Variants in CTBP1 observed in about 807,000 individuals in gnomAD.
CTBP1 encodes the protein C-terminal binding protein 1.
CTBP1 carries 11 observed loss-of-function variants against 42.1 expected under a neutral mutation model. The observed-to-expected ratio is 0.26, with a 90% CI of 0.16 to 0.43. CTBP1 has a LOEUF of 0.43. Ranked by LOEUF, CTBP1 falls within the 20% of genes least tolerant of loss-of-function variation. CTBP1 has a pLI of 1.00. For missense variants in CTBP1, 399 were observed against 624.3 expected (o/e 0.64, Z 3.85); for synonymous variants, 324 against 277.1 (o/e 1.17, Z -1.68).
intron 2 of CTBP1, among the ~76,000 whole-genome samples, chr4:1,239,697 C>T (rs1369886995): frequency 2.0e-5 from 3 of 152,232 alleles, no homozygotes; most frequent in Non-Finnish European, 2.9e-5. Context: ...ACCCCAAAGC[C>T]GAGGGCTCCC....
In CTBP1 at chr4:1,238,328, G is replaced by C; in HGVS notation, c.17C>G (p.Pro6Arg). Residue 6 changes from proline (P) to arginine (R), a missense_variant, in exon 3 of 10, where the codon CCT (proline) becomes CGT (arginine). Pro to Arg is a moderately radical substitution (Grantham distance 103, BLOSUM62 -2). Around this residue, in one of 4 missense-constraint regions of CTBP1, gnomAD observed 17 missense variants for 18.7 expected, o/e 0.91. Coordinates refer to ENST00000382952, the MANE Select transcript of CTBP1 (RefSeq NM_001012614.2). The surrounding 1 kb of genome is among the most constrained non-coding windows in gnomAD (Gnocchi z 5.9). ...GTGCAGGGGCCCGTTCATGATCGGAGGTCGGACGCCTGCAAGACAGAGGCA... is the reference window on the plus strand; with the variant it reads ...GTGCAGGGGCCCGTTCATGATCGGACGTCGGACGCCTGCAAGACAGAGGCA... The part of the protein sequence containing the change: MSGVR[P>R]PIMNGPLHPR... 6.4e-7 allele frequency: 1 copy of C among 1,568,860 alleles called. No homozygotes were observed. Among genetic ancestry groups the C allele is most frequent in the Non-Finnish European group, 8.7e-7 (1 of 1,153,740 alleles).
chr4:1,219,824 G>A (rs752510510), intron 5 of CTBP1, among the ~76,000 whole-genome samples: 1 of 152,166 alleles, frequency 6.6e-6, no homozygotes, highest in Non-Finnish European at 1.5e-5. Context: ...CACTGCACCC[G>A]GCCTAACATG....
At chr4:1,214,170 A>G in intron 7 of CTBP1, 173 bp downstream of exon 7, 1 of 815,600 alleles carries the variant, frequency 1.2e-6, no homozygotes, top group South Asian at 2.2e-5. Flanking sequence ...GCAGGCCTAG[A>G]GCCCGTGGCT....
chr4:1,222,456 A>AG (rs1262753605), intron 5 of CTBP1, among the ~76,000 whole-genome samples: 8 of 152,184 alleles, frequency 5.3e-5, no homozygotes, highest in African/African-American at 1.9e-4. Flanking sequence ...CAGCAGCTCC[A>AG]GGGGGGCCTG....
intron 5 of CTBP1, chr4:1,223,562 A>G (rs1423153734): frequency 8.9e-6 from 4 of 451,756 alleles, no homozygotes; most frequent in Non-Finnish European, 1.3e-5. Flanking sequence ...AGTCCCTGGC[A>G]TGGCAAGGCC....
At chr4:1,216,588 C>T (rs1729142109) in intron 5 of CTBP1, 3 of 326,014 alleles carry the variant, frequency 9.2e-6, no homozygotes, top group Non-Finnish European at 1.7e-5. Context: ...CTCCGCTGGC[C>T]TTTCGATCCA....
At chr4:1,226,561 C>T (rs909201603) in intron 4 of CTBP1, among the ~76,000 whole-genome samples, 3 of 150,380 alleles carry the variant, frequency 2.0e-5, no homozygotes, top group Non-Finnish European at 3.0e-5. Flanking sequence ...AGGCGCCACA[C>T]GAGATTGGAA....
At chr4:1,244,050 T>C (rs1253094353) in intron 1 of CTBP1, 2 of 985,132 alleles carry the variant, frequency 2.0e-6, no homozygotes, top group African/African-American at 1.7e-5. Flanking sequence ...GGGGGTGAGG[T>C]GAGGGGCAGC....
At chr4:1,245,107 G>A (rs954661228) in intron 1 of CTBP1, 4 of 984,196 alleles carry the variant, frequency 4.1e-6, no homozygotes, top group East Asian at 1.1e-4. Flanking sequence ...CTCCTCCGAC[G>A]ACAGCACCCC....
intron 5 of CTBP1, among the ~76,000 whole-genome samples, chr4:1,219,786 A>G (rs1001781414): frequency 2.0e-5 from 3 of 152,238 alleles, no homozygotes; most frequent in Admixed American, 2.0e-4. Flanking sequence ...CCTCGGCCTC[A>G]TAACGCACTA....
intron 1 of CTBP1, among the ~76,000 whole-genome samples, chr4:1,247,274 C>T (rs900797768): frequency 6.6e-6 from 1 of 152,146 alleles, no homozygotes; most frequent in South Asian, 2.1e-4. Flanking sequence ...CGAGGCACCC[C>T]CAGGAGTGAC....
intron 6 of CTBP1, 89 bp downstream of exon 6, chr4:1,215,902 T>C: frequency 1.4e-6 from 2 of 1,391,188 alleles, no homozygotes; most frequent in South Asian, 1.3e-5. Flanking sequence ...CTTGCCCAGG[T>C]GCAGATGGCT....
chr4:1,217,401 C>G (rs1035639534), intron 5 of CTBP1: 4 of 152,364 alleles, frequency 2.6e-5, no homozygotes, highest in African/African-American at 9.6e-5. Flanking sequence ...AGCAGCAGTT[C>G]TGAGGGTTGC....
intron 3 of CTBP1, chr4:1,236,267 G>A (rs538341609): frequency 3.6e-4 from 85 of 238,832 alleles, no homozygotes; most frequent in African/African-American, 1.8e-3. Flanking sequence ...CTGGCTACAA[G>A]TAGAAGCCAG....
chr4:1,246,376 G>A (rs1732725786), intron 1 of CTBP1, among the ~76,000 whole-genome samples: 1 of 152,180 alleles, frequency 6.6e-6, no homozygotes, highest in Non-Finnish European at 1.5e-5. Flanking sequence ...CCACCCCTGG[G>A]CCCTGGGCCA....
intron 1 of CTBP1, chr4:1,244,704 T>A: frequency 1.0e-6 from 1 of 985,260 alleles, no homozygotes; most frequent in Non-Finnish European, 1.2e-6. Flanking sequence ...GCCCTCACCC[T>A]GCCCTGTCCC....
chr4:1,213,587 C>T lies in CTBP1; in HGVS notation c.879G>A (p.Leu293=). 1.2e-6 allele frequency: 2 copies of T among 1,613,176 alleles called. No individual in the cohort carries two copies. The highest frequency in any genetic ancestry group is 1.7e-6 in the Non-Finnish European group (2 of 1,179,888). The stretch of plus-strand genomic sequence containing the variant: ...TGCAGATGAGGTTGGGTGCATCCTT[C>T]AGAGGGCCCTGGCTAAAGCTGGGAA... ...SEPFSFSQGP[L]KDAPNLICTP... Residue 293 remains leucine, a synonymous_variant, in exon 8 of 10, where the codon CTG becomes CTA. Coordinates refer to ENST00000382952, the MANE Select transcript of CTBP1 (RefSeq NM_001012614.2).
intron 7 of CTBP1, 118 bp from the exon 8 acceptor site, chr4:1,213,723 C>T (rs1348892337): frequency 2.0e-5 from 27 of 1,348,162 alleles, no homozygotes; most frequent in African/African-American, 5.9e-5. Context: ...ACAGACCCCA[C>T]GGCCCTGCTC....
At chr4:1,243,593 C>T (rs1732413225) in intron 1 of CTBP1, 2 of 985,440 alleles carry the variant, frequency 2.0e-6, no homozygotes, top group Non-Finnish European at 2.4e-6. Context: ...CGCCCCCTGC[C>T]GGGCCACACC....
Sources: allele counts gnomAD v4.1 joint callset (sites outside exome capture counted in the v4.1 genomes callset), GRCh38; gene constraint gnomAD v4.1.1; regional missense constraint gnomAD v4.1.1; non-coding constraint Gnocchi (gnomAD v3.1); transcripts MANE v1.5; gene names NCBI Gene and HGNC (gene_info 2026-07-23, HGNC 2026-07-21).